FAM13A: variants seen among roughly 807,000 people sequenced by gnomAD.
The protein encoded by FAM13A is family with sequence similarity 13 member A, also known as protein FAM13A.
A neutral mutation model predicts 129.6 loss-of-function variants in FAM13A; 76 were observed. That is an observed-to-expected ratio of 0.59 (90% CI 0.49 to 0.71). The LOEUF (loss-of-function observed/expected upper bound fraction) is 0.71. FAM13A is among the 30% of genes least tolerant of loss of function. FAM13A has a pLI of 0.00. For missense variants in FAM13A, 1,108 were observed against 1,249.3 expected, an observed-to-expected ratio of 0.89 and a Z score of 1.70; for synonymous variants, 443 against 449.9, an observed-to-expected ratio of 0.98 and a Z score of 0.20.
chr4:88,991,909 C>A (rs1305496655), intron 3 of FAM13A, among the ~76,000 whole-genome samples: 1 of 152,136 alleles, frequency 6.6e-6, no homozygotes, highest in African/African-American at 2.4e-5. Context: ...GATCCCCACC[C>A]TTCCTATCTG....
At chr4:89,020,348 T>C (rs1321568875) in intron 3 of FAM13A, 112 bp downstream of exon 3, 11 of 673,272 alleles carry the variant, frequency 1.6e-5, no homozygotes, top group Non-Finnish European at 2.4e-5. Flanking sequence ...AACTCCTGGC[T>C]TCAAGCAATC....
At position 88,903,114 on chromosome 4, in the gene FAM13A, A is replaced by C. The variant is rs180777156; in HGVS notation, c.843+3265T>G. Among the ~76,000 whole-genome samples the C allele has an allele frequency of 2.0e-3, 305 of 152,346 alleles. 2 individuals are homozygous for C. Among genetic ancestry groups the C allele is most frequent in the African/African-American group, 6.8e-3 (282 of 41,576 alleles). On this transcript the variant is annotated intron_variant, in intron 6 of 23. Transcript: ENST00000264344. ...CAAAGAAATCAGAGAGGACACAAACAAATATAACAACATTCCATGCTCATG... is the reference window on the plus strand; with the variant it reads ...CAAAGAAATCAGAGAGGACACAAACCAATATAACAACATTCCATGCTCATG...
intron 1 of FAM13A, among the ~76,000 whole-genome samples, chr4:89,046,833 A>G (rs1770919138): frequency 1.3e-5 from 2 of 152,196 alleles, no homozygotes; most frequent in African/African-American, 4.8e-5. Flanking sequence ...TCTGGGTGAC[A>G]AAGTGAGGCC....
At chr4:88,957,677 A>G (rs1039318915) in intron 4 of FAM13A, among the ~76,000 whole-genome samples, 2 of 152,220 alleles carry the variant, frequency 1.3e-5, no homozygotes, top group African/African-American at 4.8e-5. Flanking sequence ...AGACAAGGAA[A>G]TGTATGGAAC....
At chr4:89,046,952 T>A (rs1770936246) in intron 1 of FAM13A, among the ~76,000 whole-genome samples, 1 of 151,916 alleles carries the variant, frequency 6.6e-6, no homozygotes, top group Non-Finnish European at 1.5e-5. Flanking sequence ...GAGAAACGGA[T>A]GTTGGAAAGA....
At chr4:89,005,985 T>C (rs1223084322) in intron 3 of FAM13A, among the ~76,000 whole-genome samples, 1 of 151,962 alleles carries the variant, frequency 6.6e-6, no homozygotes, top group Non-Finnish European at 1.5e-5. Flanking sequence ...ACCTTTGCCC[T>C]TTCCTACATC....
At chr4:88,957,799 G>A (rs1348794525) in intron 4 of FAM13A, among the ~76,000 whole-genome samples, 1 of 152,218 alleles carries the variant, frequency 6.6e-6, no homozygotes, top group Non-Finnish European at 1.5e-5. Context: ...GAGAACTGGA[G>A]TAAAGGTCAC....
intron 7 of FAM13A, among the ~76,000 whole-genome samples, chr4:88,837,424 A>G (rs1275871695): frequency 2.6e-5 from 4 of 152,034 alleles, no homozygotes; most frequent in Non-Finnish European, 5.9e-5. Context: ...TTAAGAATAT[A>G]GTCAGCCTTT....
intron 22 of FAM13A, chr4:88,731,801 A>C (rs566045454): frequency 1.9e-6 from 1 of 540,152 alleles, no homozygotes; most frequent in Non-Finnish European, 3.2e-6. Context: ...TGTTTAAACA[A>C]GACTCAAAAG....
intron 3 of FAM13A, among the ~76,000 whole-genome samples, chr4:89,006,535 G>C (rs747778176): frequency 6.6e-6 from 1 of 152,172 alleles, no homozygotes; most frequent in Non-Finnish European, 1.5e-5. Flanking sequence ...GGGCCAGAGC[G>C]AGCACTTTTG....
At chr4:88,912,822 CA>C (rs1749299958) in intron 5 of FAM13A, among the ~76,000 whole-genome samples, 1 of 151,846 alleles carries the variant, frequency 6.6e-6, no homozygotes, top group Non-Finnish European at 1.5e-5. Flanking sequence ...ACAAAAACAA[CA>C]AAATAAAATT....
chr4:88,979,557 A>C (rs114622537), intron 4 of FAM13A, among the ~76,000 whole-genome samples: 1,845 of 152,282 alleles, frequency 0.012, 54 homozygotes, highest in African/African-American at 0.042. Context: ...AAGAGATAAT[A>C]ATAGTACTTG....
intron 7 of FAM13A, among the ~76,000 whole-genome samples, chr4:88,835,858 A>C (rs945890795): frequency 6.6e-6 from 1 of 152,214 alleles, no homozygotes; most frequent in Non-Finnish European, 1.5e-5. Context: ...CTCACCTCCT[A>C]GTGTGGCCTG....
chr4:88,950,958 G>A (rs1201086067), intron 4 of FAM13A, among the ~76,000 whole-genome samples: 1 of 152,096 alleles, frequency 6.6e-6, no homozygotes, highest in Non-Finnish European at 1.5e-5. Flanking sequence ...ATTAGATAGA[G>A]CAACTAAAAT....
intron 5 of FAM13A, among the ~76,000 whole-genome samples, chr4:88,915,954 G>C (rs1468346643): frequency 6.6e-6 from 1 of 151,946 alleles, no homozygotes; most frequent in Non-Finnish European, 1.5e-5. Flanking sequence ...GCAGCCTGAC[G>C]CCCTTGCCAG....
chr4:88,841,076 G>A (rs1264279333), intron 7 of FAM13A, among the ~76,000 whole-genome samples: 1 of 152,014 alleles, frequency 6.6e-6, no homozygotes, highest in African/African-American at 2.4e-5. Context: ...AAACTCAGAT[G>A]TAAATCTTCA....
intron 3 of FAM13A, among the ~76,000 whole-genome samples, chr4:89,004,831 T>G (rs1414659303): frequency 6.6e-6 from 1 of 152,054 alleles, no homozygotes; most frequent in South Asian, 2.1e-4. Flanking sequence ...CCATGTTCCA[T>G]CCCCCTAATG....
intron 11 of FAM13A, among the ~76,000 whole-genome samples, chr4:88,772,346 A>G (rs2149570816): frequency 6.6e-6 from 1 of 152,330 alleles, no homozygotes; most frequent in East Asian, 1.9e-4. Flanking sequence ...AAAAAGAACT[A>G]CTGGTATCAT....
chr4:88,738,561 C>T (rs78959409), intron 20 of FAM13A, among the ~76,000 whole-genome samples: 11,292 of 152,226 alleles, frequency 0.074, 487 homozygotes, highest in African/African-American at 0.089. Context: ...GCCACATCCT[C>T]CAAGAAGGGC....
Sources: gnomAD v4.1 joint callset for allele counts (sites outside exome capture counted in the v4.1 genomes callset) on GRCh38, gnomAD v4.1.1 for gene constraint, MANE v1.5 for transcripts, NCBI Gene and HGNC (gene_info 2026-07-23, HGNC 2026-07-21) for gene names.